ERMP1: variants seen among roughly 807,000 people sequenced by gnomAD.
The protein encoded by ERMP1 is endoplasmic reticulum metallopeptidase 1.
ERMP1 carries 86 observed loss-of-function variants against 92.0 expected under a neutral mutation model. That is an observed-to-expected ratio of 0.93 (90% confidence interval 0.79 to 1.12). The LOEUF (loss-of-function observed/expected upper bound fraction) is 1.12, where lower values mean the gene tolerates loss of function less well. ERMP1 is among the 50% of genes most tolerant of loss of function. ERMP1 has a pLI of 0.00. For missense variants in ERMP1, 1,342 were observed against 1,116.3 expected (o/e 1.20, Z -2.88); for synonymous variants, 530 against 412.8 (o/e 1.28, Z -3.44).
intron 4 of ERMP1, 60 bp from the exon 5 acceptor site, chr9:5,813,095 A>G (rs1251282803): frequency 6.3e-7 from 1 of 1,575,278 alleles, no homozygotes; most frequent in African/African-American, 1.4e-5. Flanking sequence ...TAACATACTA[A>G]TGTTTTTCAA....
intron 6 of ERMP1, among the ~76,000 whole-genome samples, chr9:5,838,572 T>G (rs1830121297): frequency 6.6e-6 from 1 of 151,502 alleles, no homozygotes; most frequent in East Asian, 1.9e-4. Flanking sequence ...TGGTTTTTGA[T>G]GTAGTAATTT....
intron 4 of ERMP1, among the ~76,000 whole-genome samples, chr9:5,818,408 A>G (rs1237344732): frequency 1.3e-5 from 2 of 152,178 alleles, no homozygotes; most frequent in African/African-American, 4.8e-5. Context: ...GGTATTTCCA[A>G]TTTTCTACTC....
At chr9:5,850,549 G>C (rs561314180) in intron 6 of ERMP1, among the ~76,000 whole-genome samples, 2 of 152,046 alleles carry the variant, frequency 1.3e-5, no homozygotes, top group South Asian at 4.2e-4. Flanking sequence ...GTGACTCTGA[G>C]ATACCGTGAA....
chr9:5,827,130 A>G lies in ERMP1; in HGVS notation c.641-1911T>C, dbSNP rs968598480. The stretch of plus-strand genomic sequence containing the variant: ...GATAATTAAGGCTTTTCTGTGGATA[A>G]CATTACTCCTAATTGGTATCAATTC... On this transcript the variant is annotated intron_variant, in intron 2 of 14. Coordinates refer to ENST00000339450, the MANE Select transcript of ERMP1 (RefSeq NM_024896.3). 2.0e-5 allele frequency among the ~76,000 whole-genome samples: 3 copies of G among 152,238 alleles called. No homozygotes were observed. In the South Asian group the frequency reaches 6.2e-4, roughly 32 times the overall value.
At chr9:5,848,934 T>A (rs914312942) in intron 6 of ERMP1, among the ~76,000 whole-genome samples, 11 of 152,176 alleles carry the variant, frequency 7.2e-5, no homozygotes, top group African/African-American at 2.4e-4. Flanking sequence ...TAGATGGGGG[T>A]TCTGACCTAG....
chr9:5,849,743 A>C (rs1830282788), intron 6 of ERMP1, among the ~76,000 whole-genome samples: 3 of 152,206 alleles, frequency 2.0e-5, no homozygotes, highest in Admixed American at 6.5e-5. Context: ...ACTCTGTTCT[A>C]GCACACTTTT....
At chr9:5,818,544 T>C (rs768167493) in intron 4 of ERMP1, among the ~76,000 whole-genome samples, 12 of 151,992 alleles carry the variant, frequency 7.9e-5, no homozygotes, top group Non-Finnish European at 1.5e-4. Context: ...AGTGAGACCC[T>C]GTCTCTACAA....
chr9:5,846,393 C>T (rs1286747553), intron 6 of ERMP1, among the ~76,000 whole-genome samples: 1 of 152,226 alleles, frequency 6.6e-6, no homozygotes, highest in Non-Finnish European at 1.5e-5. Context: ...CATTTCATCC[C>T]TCTGAGGCTG....
At chr9:5,850,981 C>A (rs565239890) in intron 6 of ERMP1, among the ~76,000 whole-genome samples, 1 of 152,200 alleles carries the variant, frequency 6.6e-6, no homozygotes, top group Non-Finnish European at 1.5e-5. Context: ...ATTCAATCCC[C>A]CATCCAGGAA....
At chr9:5,839,209 A>G (rs1830128082) in intron 6 of ERMP1, among the ~76,000 whole-genome samples, 1 of 152,264 alleles carries the variant, frequency 6.6e-6, no homozygotes, top group Non-Finnish European at 1.5e-5. Flanking sequence ...TGCTGAACCA[A>G]TTAAAAAAAA....
At chr9:5,839,542 T>C (rs542323390) in intron 6 of ERMP1, among the ~76,000 whole-genome samples, 11 of 152,292 alleles carry the variant, frequency 7.2e-5, no homozygotes, top group African/African-American at 2.6e-4. Flanking sequence ...ACTCGATTGT[T>C]TTAGTGAACT....
chr9:5,865,370 C>T (rs1019520367), intron 5 of ERMP1, among the ~76,000 whole-genome samples: 15 of 151,814 alleles, frequency 9.9e-5, no homozygotes, highest in African/African-American at 3.1e-4. Context: ...TAGCTGAGCG[C>T]GGTGGCAGGC....
Position 5,786,432 on chromosome 9 carries a change from G to A in ERMP1, c.*712C>T, listed in dbSNP as rs1827937740. 1 of 152,256 alleles carries A rather than the reference G, an allele frequency of 6.6e-6. No individual in the cohort carries two copies. The highest frequency in any genetic ancestry group is 2.4e-5 in the African/African-American group (1 of 41,448). The allele number at this position is 152,256 out of a possible 1,614,324, so 9.4% of individuals were successfully genotyped here. On this transcript the variant is annotated 3_prime_UTR_variant, in exon 15 of 15. Coordinates refer to ENST00000339450, the MANE Select transcript of ERMP1 (RefSeq NM_024896.3). ...CTTTTCAACTTGGTAAGATGGAGAG[G>A]GGTAACAGACATGTTTCAGAGGAAA... is the stretch of plus-strand genomic sequence containing the variant.
chr9:5,826,826 A>C (rs960104389), intron 2 of ERMP1, among the ~76,000 whole-genome samples: 5 of 152,224 alleles, frequency 3.3e-5, no homozygotes, highest in Admixed American at 6.5e-5. Context: ...AAAAGAGAGA[A>C]AGGGAAATTG....
chr9:5,796,814 C>G (rs192114179), intron 13 of ERMP1, among the ~76,000 whole-genome samples: 7 of 152,176 alleles, frequency 4.6e-5, no homozygotes, highest in Admixed American at 4.6e-4. Flanking sequence ...CATGGCATCA[C>G]ACATTTTTCA....
chr9:5,864,057 G>A (rs1830578585), intron 5 of ERMP1, among the ~76,000 whole-genome samples: 1 of 152,076 alleles, frequency 6.6e-6, no homozygotes, highest in African/African-American at 2.4e-5. Context: ...TTTTAAAAAA[G>A]CTTATGATAG....
At chr9:5,816,633 A>C (rs1829316722) in intron 4 of ERMP1, among the ~76,000 whole-genome samples, 1 of 152,212 alleles carries the variant, frequency 6.6e-6, no homozygotes, top group Admixed American at 6.5e-5. Context: ...ATGTGCATAC[A>C]CATACATGTG....
intron 13 of ERMP1, among the ~76,000 whole-genome samples, chr9:5,793,644 C>G (rs895774967): frequency 2.6e-5 from 4 of 151,874 alleles, no homozygotes; most frequent in African/African-American, 9.7e-5. Context: ...AGTAGGAGAG[C>G]AATATTAATT....
rs146094793 is a variant in ERMP1, at chr9:5,850,485, G to A, written n.3199+8983C>T. Among the ~76,000 whole-genome samples the A allele has an allele frequency of 1.4e-4, 21 of 151,846 alleles. No individual in the cohort carries two copies. The East Asian group carries it at 3.5e-3, about 25-fold the overall frequency. ...CCCTGGCCTTCTGGGGTGGTTGGGG[G>A]AATTGGGAGGGAGCATGTGGCTGAG... On this transcript the variant is annotated intron_variant and non_coding_transcript_variant, in intron 6 of 6. Coordinates refer to the ERMP1 transcript ENST00000690753.
Sources: gnomAD v4.1 joint callset for allele counts (sites outside exome capture counted in the v4.1 genomes callset) on GRCh38, gnomAD v4.1.1 for gene constraint, MANE v1.5 for transcripts, NCBI Gene and HGNC (gene_info 2026-07-23, HGNC 2026-07-21) for gene names.